Variants in CFAP70 observed in about 807,000 individuals in gnomAD.
CFAP70 encodes cilia and flagella associated protein 70, also known as cilia- and flagella-associated protein 70.
Under a neutral mutation model 137.6 loss-of-function variants are expected in CFAP70, and 81 were observed. The observed-to-expected ratio is 0.59, with a 90% CI of 0.49 to 0.71. CFAP70 has a LOEUF of 0.71. Among genes scored for constraint, CFAP70 ranks in the 30% least tolerant of loss-of-function variants. The probability of loss-of-function intolerance (pLI) is 0.00; values close to 1 mark genes in which losing one functional copy is unlikely to be tolerated. For synonymous variants in CFAP70, 382 were observed against 423.6 expected (o/e 0.90, Z 1.20); for missense variants, 976 against 1,226.7 (o/e 0.80, Z 3.05).
rs781250853 is a variant in CFAP70 at position 73,299,587 on chromosome 10, C to T, written c.1317+18G>A. ...AATATCTTATTACTTATCATTTCAA[C>T]TTGGCTTTGGCACTTGCCTTCTGAG... On this transcript the variant is annotated intron_variant, in intron 13 of 26. Coordinates refer to ENST00000310715, the Ensembl canonical transcript of CFAP70. The T allele has an allele frequency of 3.1e-6, 5 of 1,609,460 alleles. No individual in the cohort carries two copies. In the African/African-American group the frequency reaches 5.4e-5, roughly 17 times the overall value.
At chr10:73,257,475 T>C (rs2044640906) in intron 25 of CFAP70, among the ~76,000 whole-genome samples, 1 of 152,290 alleles carries the variant, frequency 6.6e-6, no homozygotes, top group South Asian at 2.1e-4. Context: ...TTACTTAGAG[T>C]ATGCAAAGTC....
rs1291589877 is a variant in CFAP70, at chr10:73,275,630, T to C, written c.2521-32A>G. 4.7e-6 allele frequency: 7 copies of C among 1,485,452 alleles called. No homozygotes were observed. The highest frequency in any genetic ancestry group is 5.4e-6 in the Non-Finnish European group (6 of 1,115,620). The allele number at this position is 1,485,452 out of a possible 1,614,324, so 92.0% of individuals were successfully genotyped here. ...GGATAATCAGATTATAAGCAACATA[T>C]AAATGGCTGCATTGCGTCTTTTTCG... is the stretch of plus-strand genomic sequence containing the variant. On this transcript the variant is annotated intron_variant, in intron 21 of 26. Coordinates refer to ENST00000310715, the Ensembl canonical transcript of CFAP70. The surrounding 1 kb of genome is among the most constrained non-coding windows in gnomAD (Gnocchi z 4.0).
intron 25 of CFAP70, among the ~76,000 whole-genome samples, chr10:73,268,726 C>T (rs532364479): frequency 6.6e-6 from 1 of 151,618 alleles, no homozygotes; most frequent in South Asian, 2.1e-4. Context: ...CGAGGTCTCA[C>T]TCTGTCACCC....
chr10:73,342,552 G>C (rs7094767), intron 5 of CFAP70, among the ~76,000 whole-genome samples: 6,891 of 151,026 alleles, frequency 0.046, 480 homozygotes, highest in African/African-American at 0.15. Context: ...CTTATTAATA[G>C]ATAGATAGAT....
intron 6 of CFAP70, among the ~76,000 whole-genome samples, chr10:73,337,094 A>G (rs2052741821): frequency 6.6e-6 from 1 of 152,216 alleles, no homozygotes; most frequent in Admixed American, 6.5e-5. Context: ...TACTCTTTAC[A>G]TTTGTGTAAT....
exon 6 of CFAP70, chr10:73,341,546 C>T (rs531497418): frequency 6.2e-7 from 1 of 1,614,058 alleles, no homozygotes; most frequent in African/African-American, 1.3e-5. Flanking sequence ...CTCCAAGCTT[C>T]AGAGTTCCAT....
intron 25 of CFAP70, among the ~76,000 whole-genome samples, chr10:73,264,257 G>C (rs894296025): frequency 6.6e-6 from 1 of 152,052 alleles, no homozygotes; most frequent in Non-Finnish European, 1.5e-5. Flanking sequence ...CTTCTAAACT[G>C]GACAAATGCC....
intron 23 of CFAP70, 102 bp downstream of exon 24, chr10:73,274,331 C>T (rs2046535784): frequency 7.7e-7 from 1 of 1,299,472 alleles, no homozygotes; most frequent in Non-Finnish European, 1.0e-6. Flanking sequence ...GTAAAAGTGT[C>T]ATTATTATAT....
chr10:73,331,312 C>G, intron 7 of CFAP70, 36 bp from the exon 9 acceptor site: 1 of 1,530,916 alleles, frequency 6.5e-7, no homozygotes, highest in Non-Finnish European at 9.0e-7. Context: ...GCATTATATG[C>G]AAAAATAAAG....
chr10:73,314,126 C>G (rs375731907), intron 9 of CFAP70, among the ~76,000 whole-genome samples: 1 of 152,098 alleles, frequency 6.6e-6, no homozygotes, highest in East Asian at 1.9e-4. Context: ...TGAAAAGAAC[C>G]AGACCAAAGG....
intron 8 of CFAP70, among the ~76,000 whole-genome samples, chr10:73,329,354 C>T (rs1015104957): frequency 1.8e-4 from 27 of 151,482 alleles, no homozygotes; most frequent in Non-Finnish European, 3.4e-4. Context: ...GTCGGGGGAG[C>T]GGGGAGGGAT....
exon 15 of CFAP70, chr10:73,297,070 A>T (rs758144981): frequency 6.2e-7 from 1 of 1,613,884 alleles, no homozygotes; most frequent in Non-Finnish European, 8.5e-7. Context: ...CATCTGATCT[A>T]CTAAGAACAC....
intron 4 of CFAP70, among the ~76,000 whole-genome samples, chr10:73,345,566 G>T (rs7900185): frequency 6.6e-6 from 1 of 152,012 alleles, no homozygotes; most frequent in African/African-American, 2.4e-5. Flanking sequence ...AGCACTTTGG[G>T]AGCCAAGGCA....
Position 73,269,600 on chromosome 10 carries a change from T to A in CFAP70, c.3027+14A>T. The A allele has an allele frequency of 6.2e-7, 1 of 1,600,232 alleles. No individual in the cohort carries two copies. The highest frequency in any genetic ancestry group is 1.1e-5 in the South Asian group (1 of 90,732). On this transcript the variant is annotated intron_variant, in intron 25 of 26. Coordinates refer to ENST00000310715, the Ensembl canonical transcript of CFAP70. ...GCCCTAAAAGGGCATTGTGTAAGGA[T>A]AATAAACACTCACTTTCAGGCAGAC...
intron 19 of CFAP70, among the ~76,000 whole-genome samples, chr10:73,286,469 A>C (rs578047232): frequency 1.3e-5 from 2 of 152,266 alleles, no homozygotes; most frequent in South Asian, 2.1e-4. Context: ...AACAAACAAA[A>C]AAATCCTCTT....
exon 14 of CFAP70, chr10:73,299,031 A>C (rs758543795): frequency 3.7e-6 from 6 of 1,613,822 alleles, no homozygotes; most frequent in Non-Finnish European, 5.1e-6. Context: ...CTGTTTTCCA[A>C]ACATTCTGTA....
At chr10:73,303,735 T>C (rs1044580404) in intron 12 of CFAP70, among the ~76,000 whole-genome samples, 4 of 152,214 alleles carry the variant, frequency 2.6e-5, no homozygotes, top group East Asian at 3.8e-4. Flanking sequence ...ATAAAAGTCA[T>C]AAAAATTGCT....
At chr10:73,305,265 C>G (rs1361809525) in intron 12 of CFAP70, among the ~76,000 whole-genome samples, 1 of 152,224 alleles carries the variant, frequency 6.6e-6, no homozygotes, top group Non-Finnish European at 1.5e-5. Context: ...GTAAGGTTAT[C>G]AAATCCCCAA....
At position 73,350,960 on chromosome 10, in the gene CFAP70, T is replaced by C. The variant is rs1435043959; in HGVS notation, c.251-2439A>G. Among the ~76,000 whole-genome samples the C allele has an allele frequency of 4.7e-5, 7 of 149,788 alleles. No homozygotes were observed. The East Asian group carries it at 7.8e-4, about 17-fold the overall frequency. ...GTATATATGTGTGTGTGTGTGTATG[T>C]GTGTGTATATGTATGTGTGTGTGTA... On this transcript the variant is annotated intron_variant, in intron 3 of 26. Coordinates refer to ENST00000310715, the Ensembl canonical transcript of CFAP70.
Sources: allele counts gnomAD v4.1 joint callset (sites outside exome capture counted in the v4.1 genomes callset), GRCh38; gene constraint gnomAD v4.1.1; non-coding constraint Gnocchi (gnomAD v3.1); transcripts MANE v1.5; gene names NCBI Gene and HGNC (gene_info 2026-07-23, HGNC 2026-07-21).